The following TENM3 variants were observed in gnomAD, a reference collection of about 807,000 sequenced individuals.
The protein encoded by TENM3 is teneurin-3.
In TENM3, 63 loss-of-function variants were observed where a neutral mutation model predicts 255.1. The observed-to-expected ratio is 0.25, with a 90% CI of 0.20 to 0.30. TENM3 has a LOEUF of 0.30. Ranked by LOEUF, TENM3 falls within the 10% of genes least tolerant of loss-of-function variation. TENM3 has a pLI of 1.00. For synonymous variants in TENM3, 1,306 were observed against 1,322.3 expected (o/e 0.99, Z 0.27); for missense variants, 2,929 against 3,461.1 (o/e 0.85, Z 3.86).
the TENM3 span, among the ~76,000 whole-genome samples, chr4:181,568,095 G>A: frequency 2.0e-5 from 3 of 151,700 alleles, no homozygotes; most frequent in South Asian, 6.2e-4. Flanking sequence ...CTTTTTTACA[G>A]TTGACAGGTT....
the TENM3 span, among the ~76,000 whole-genome samples, chr4:181,519,046 T>A: frequency 1.3e-5 from 2 of 152,162 alleles, no homozygotes; most frequent in African/African-American, 4.8e-5. Flanking sequence ...AAAAAAAATA[T>A]ATGTTTAACT....
the TENM3 span, among the ~76,000 whole-genome samples, chr4:181,819,533 G>A: frequency 6.6e-6 from 1 of 152,158 alleles, no homozygotes; most frequent in Non-Finnish European, 1.5e-5. Flanking sequence ...AGAATCACCT[G>A]TGCCACCTAG....
At chr4:181,507,036 A>G in the TENM3 span, among the ~76,000 whole-genome samples, 2 of 152,056 alleles carry the variant, frequency 1.3e-5, no homozygotes, top group African/African-American at 4.8e-5. Flanking sequence ...GCTAAAATGT[A>G]TTTTTCCAGT....
the TENM3 span, among the ~76,000 whole-genome samples, chr4:181,882,542 T>G: frequency 6.6e-6 from 1 of 152,180 alleles, no homozygotes; most frequent in South Asian, 2.1e-4. Context: ...TACATCATAG[T>G]TCAGCTGTGA....
At chr4:182,164,702 T>A (rs1751591084) in intron 1 of TENM3, among the ~76,000 whole-genome samples, 1 of 152,238 alleles carries the variant, frequency 6.6e-6, no homozygotes, top group African/African-American at 2.4e-5. Flanking sequence ...TTTTGCTCCC[T>A]TTTGTTTAAC....
rs1044496729 is a variant in TENM3 at position 182,770,393 on chromosome 4, C to G, written c.4893-3079C>G. 2.6e-5 allele frequency among the ~76,000 whole-genome samples: 4 copies of G among 152,256 alleles called. No individual in the cohort carries two copies. In the South Asian group the frequency reaches 8.3e-4, roughly 32 times the overall value. The stretch of plus-strand genomic sequence containing the variant: ...AGGAGATCCACCCAAGGCTCCCTTC[C>G]AGTATGACTCTGTGCTGGCCACTGT... On this transcript the variant is annotated intron_variant, in intron 22 of 27. Transcript: ENST00000511685.
the TENM3 span, among the ~76,000 whole-genome samples, chr4:181,664,068 C>A: frequency 6.6e-6 from 1 of 152,140 alleles, no homozygotes; most frequent in Non-Finnish European, 1.5e-5. Flanking sequence ...TGGAGCTCGA[C>A]CATCTGGATT....
intron 3 of TENM3, among the ~76,000 whole-genome samples, chr4:182,439,846 T>G (rs369649611): frequency 6.6e-5 from 10 of 152,198 alleles, no homozygotes; most frequent in African/African-American, 2.4e-4. Flanking sequence ...AAATCTCTAC[T>G]TGGGGCTTCT....
chr4:181,774,020 T>C, the TENM3 span, among the ~76,000 whole-genome samples: 27 of 131,710 alleles, frequency 2.0e-4, no homozygotes, highest in African/African-American at 8.7e-4. Flanking sequence ...TTTTTTTTTT[T>C]TTTTTTTTAT....
At chr4:181,657,088 T>A in the TENM3 span, among the ~76,000 whole-genome samples, 1 of 152,310 alleles carries the variant, frequency 6.6e-6, no homozygotes, top group East Asian at 1.9e-4. Flanking sequence ...AGAGGGAAAT[T>A]ACACTGTTGG....
At chr4:182,742,825 A>G (rs1477183639) in intron 18 of TENM3, among the ~76,000 whole-genome samples, 1 of 152,172 alleles carries the variant, frequency 6.6e-6, no homozygotes, top group Non-Finnish European at 1.5e-5. Flanking sequence ...CCAAGCATTA[A>G]TATTTTTTGG....
At chr4:181,884,687 A>C in the TENM3 span, among the ~76,000 whole-genome samples, 1 of 152,228 alleles carries the variant, frequency 6.6e-6, no homozygotes, top group Non-Finnish European at 1.5e-5. Flanking sequence ...CTTTTAAAAA[A>C]ATAATCTAAT....
chr4:182,415,401 T>C (rs369917992), intron 3 of TENM3, among the ~76,000 whole-genome samples: 2 of 152,356 alleles, frequency 1.3e-5, no homozygotes, highest in East Asian at 3.9e-4. Flanking sequence ...ATTAGTACTC[T>C]CTGAAATTAT....
chr4:182,047,010 T>A, the TENM3 span, among the ~76,000 whole-genome samples: 1 of 151,876 alleles, frequency 6.6e-6, no homozygotes, highest in Non-Finnish European at 1.5e-5. Context: ...GCAATGAATG[T>A]TGAAAGCTTT....
At chr4:181,991,000 T>C in the TENM3 span, among the ~76,000 whole-genome samples, 1 of 152,132 alleles carries the variant, frequency 6.6e-6, no homozygotes, top group African/African-American at 2.4e-5. Context: ...CAAAAGGATA[T>C]TCAGCAAATT....
chr4:181,840,663 G>T, the TENM3 span, among the ~76,000 whole-genome samples: 2 of 151,966 alleles, frequency 1.3e-5, no homozygotes, highest in Non-Finnish European at 2.9e-5. Context: ...CTGGGCAGGG[G>T]GTTATTTTTC....
the TENM3 span, among the ~76,000 whole-genome samples, chr4:181,804,103 G>A: frequency 1.4e-5 from 2 of 141,866 alleles, no homozygotes; most frequent in Non-Finnish European, 3.1e-5. Flanking sequence ...GAGGGAGGAA[G>A]GAAGGAGAAG....
At chr4:181,678,948 T>C in the TENM3 span, among the ~76,000 whole-genome samples, 3 of 152,060 alleles carry the variant, frequency 2.0e-5, no homozygotes, top group Admixed American at 1.3e-4. Flanking sequence ...TTTTGAATTA[T>C]TTTGCTTTAA....
the TENM3 span, among the ~76,000 whole-genome samples, chr4:181,576,594 A>G: frequency 1.3e-5 from 2 of 152,228 alleles, no homozygotes; most frequent in African/African-American, 4.8e-5. Context: ...TGAGGCAACT[A>G]TGGTCCCCCC....
Sources: gnomAD v4.1 joint callset for allele counts (sites outside exome capture counted in the v4.1 genomes callset) on GRCh38, gnomAD v4.1.1 for gene constraint, MANE v1.5 for transcripts, NCBI Gene and HGNC (gene_info 2026-07-23, HGNC 2026-07-21) for gene names.